The following VKORC1L1 variants were observed in gnomAD, a reference collection of about 807,000 sequenced individuals.
VKORC1L1 encodes the protein vitamin K epoxide reductase complex subunit 1L1, also known as vitamin K epoxide reductase complex subunit 1-like protein 1.
In VKORC1L1, 2 loss-of-function variants were observed where a neutral mutation model predicts 18.9. The observed-to-expected ratio is 0.11, with a 90% CI of 0.04 to 0.33. The LOEUF is 0.33. Ranked by LOEUF, VKORC1L1 falls within the 10% of genes least tolerant of loss-of-function variation. The pLI is 1.00. For missense variants in VKORC1L1, 123 were observed against 224.1 expected, an observed-to-expected ratio of 0.55 and a Z score of 2.88; for synonymous variants, 96 against 100.0, an observed-to-expected ratio of 0.96 and a Z score of 0.24.
At chr7:65,908,587 C>T (rs192511568) in intron 1 of VKORC1L1, among the ~76,000 whole-genome samples, 320 of 152,234 alleles carry the variant, frequency 2.1e-3, no homozygotes, top group Middle Eastern at 6.8e-3. Flanking sequence ...CCTGTAATCC[C>T]GGCACTTTGG....
intron 1 of VKORC1L1, among the ~76,000 whole-genome samples, chr7:65,914,873 C>T (rs1583845435): frequency 1.3e-5 from 2 of 152,028 alleles, no homozygotes; most frequent in African/African-American, 4.8e-5. Flanking sequence ...GATGTGGTGG[C>T]ACATGCCTTG....
chr7:65,873,130 C>A lies in VKORC1L1; in HGVS notation c.-242C>A, dbSNP rs1788752048. On this transcript the variant is annotated 5_prime_UTR_variant, in exon 1 of 3. Transcript: ENST00000360768. ...CGTTGCGCACTCCACCCCCTCCCTC[C>A]GCGCCCGCGCGCGCCTTCCCCGCCC... 1.4e-5 allele frequency: 4 copies of A among 286,034 alleles called. No individual in the cohort carries two copies. The highest frequency in any genetic ancestry group is 1.6e-5 in the Non-Finnish European group (3 of 191,238). 17.7% of individuals were successfully genotyped at this position (286,034 alleles called of 1,614,324 possible).
In VKORC1L1 at chr7:65,892,739, G is replaced by A. The variant is rs1308359435; in HGVS notation, c.194+19174G>A. Reference sequence around the variant, plus strand: ...ATGTTTAGTTCCATTTATTGAAAAGGCCATCTCCTCCTGCTTTGTAGAGCT... The same window carrying A: ...ATGTTTAGTTCCATTTATTGAAAAGACCATCTCCTCCTGCTTTGTAGAGCT... On this transcript the variant is annotated intron_variant, in intron 1 of 2. Transcript: ENST00000360768. Among the ~76,000 whole-genome samples, 3 of 152,212 alleles carry A rather than the reference G, an allele frequency of 2.0e-5. No homozygotes were observed. The East Asian group carries it at 5.8e-4, about 29-fold the overall frequency.
intron 1 of VKORC1L1, among the ~76,000 whole-genome samples, chr7:65,918,720 G>A (rs779519707): frequency 1.3e-5 from 2 of 152,208 alleles, no homozygotes; most frequent in African/African-American, 2.4e-5. Context: ...GAAAATATAT[G>A]TCGTGTTAAT....
chr7:65,941,638 G>A (rs533713526), intron 1 of VKORC1L1, among the ~76,000 whole-genome samples: 1 of 150,186 alleles, frequency 6.7e-6, no homozygotes, highest in African/African-American at 2.5e-5. Context: ...TGCCTCTAAG[G>A]TGCTGCTGGT....
chr7:65,906,066 G>A (rs1034438196), intron 1 of VKORC1L1, among the ~76,000 whole-genome samples: 6 of 151,900 alleles, frequency 3.9e-5, no homozygotes, highest in East Asian at 1.9e-4. Flanking sequence ...TAGAATGTGA[G>A]CGTTTTGAAG....
intron 1 of VKORC1L1, among the ~76,000 whole-genome samples, chr7:65,908,987 A>T (rs1419126511): frequency 6.6e-6 from 1 of 150,502 alleles, no homozygotes; most frequent in African/African-American, 2.4e-5. Flanking sequence ...AATACAATAC[A>T]GGCTGGGCAC....
chr7:65,880,822 C>G (rs1402928172), intron 1 of VKORC1L1, among the ~76,000 whole-genome samples: 1 of 152,146 alleles, frequency 6.6e-6, no homozygotes, highest in African/African-American at 2.4e-5. Context: ...AGTGCAAAAC[C>G]AGGCGTTCTT....
intron 1 of VKORC1L1, among the ~76,000 whole-genome samples, chr7:65,922,041 A>G (rs934686070): frequency 6.6e-6 from 1 of 152,086 alleles, no homozygotes; most frequent in Non-Finnish European, 1.5e-5. Flanking sequence ...GAACTCTAAT[A>G]TAAATTAATA....
chr7:65,873,949 C>T (rs1324940978), intron 1 of VKORC1L1, among the ~76,000 whole-genome samples: 1 of 151,986 alleles, frequency 6.6e-6, no homozygotes, highest in Non-Finnish European at 1.5e-5. Flanking sequence ...GGAGGCGGGC[C>T]GGGGGTGTGG....
intron 1 of VKORC1L1, among the ~76,000 whole-genome samples, chr7:65,928,544 T>G (rs1562650182): frequency 6.6e-6 from 1 of 152,214 alleles, no homozygotes; most frequent in East Asian, 1.9e-4. Context: ...TATTTGAGAT[T>G]TATCCGTGTT....
At chr7:65,868,080 C>G (rs1473386555), upstream of VKORC1L1, among the ~76,000 whole-genome samples, 1 of 152,178 alleles carries the variant, frequency 6.6e-6, no homozygotes, top group Middle Eastern at 3.2e-3. Context: ...CTCCTGACCT[C>G]AGGTGATTCA....
intron 1 of VKORC1L1, among the ~76,000 whole-genome samples, chr7:65,878,720 T>C (rs1424955660): frequency 2.0e-5 from 3 of 152,028 alleles, no homozygotes; most frequent in African/African-American, 4.8e-5. Context: ...CTGGCTAACA[T>C]GGTGAAACCC....
intron 1 of VKORC1L1, among the ~76,000 whole-genome samples, chr7:65,929,682 G>GTATATATATATATA (rs34648135): frequency 9.1e-4 from 117 of 128,618 alleles, no homozygotes; most frequent in African/African-American, 3.3e-3. Context: ...GTGTGTGTGT[G>GTATATATATATATA]TATATATATA....
At position 65,922,298 on chromosome 7, in the gene VKORC1L1, CAG is replaced by C. The variant is rs201407440; in HGVS notation, c.195-26370_195-26369del. Among the ~76,000 whole-genome samples, 557 of 147,906 alleles carry C rather than the reference CAG, an allele frequency of 3.8e-3. 5 individuals carry two copies. The highest frequency in any genetic ancestry group is 0.013 in the African/African-American group (531 of 40,090). On this transcript the variant is annotated intron_variant, in intron 1 of 2. Coordinates refer to ENST00000360768, the MANE Select transcript of VKORC1L1 (RefSeq NM_173517.6). The stretch of plus-strand genomic sequence containing the variant: ...TTCCTTTTTTTTTTTTTTCTTGAGA[CAG>C]AGTCTTGCTCTGTCACCCAGGCTAG...
intron 1 of VKORC1L1, among the ~76,000 whole-genome samples, chr7:65,906,323 G>A (rs1331141101): frequency 1.3e-5 from 2 of 151,682 alleles, no homozygotes; most frequent in South Asian, 2.1e-4. Context: ...GCAGTGAGCT[G>A]TAGTACCACT....
At chr7:65,917,955 C>T (rs548983171) in intron 1 of VKORC1L1, among the ~76,000 whole-genome samples, 2 of 152,284 alleles carry the variant, frequency 1.3e-5, no homozygotes, top group East Asian at 3.9e-4. Flanking sequence ...GGTGTCACAA[C>T]TGGGCAGGGT....
intron 2 of VKORC1L1, among the ~76,000 whole-genome samples, chr7:65,953,524 A>C (rs886570218): frequency 6.6e-6 from 1 of 152,186 alleles, no homozygotes; most frequent in Non-Finnish European, 1.5e-5. Flanking sequence ...TTGTGTGCAT[A>C]TTTTCAACTA....
At chr7:65,939,563 T>C (rs1790001138) in intron 1 of VKORC1L1, among the ~76,000 whole-genome samples, 1 of 152,232 alleles carries the variant, frequency 6.6e-6, no homozygotes, top group South Asian at 2.1e-4. Flanking sequence ...GCAGAAGCTC[T>C]GGCCCCTATG....
Sources: gnomAD v4.1 joint callset for allele counts (sites outside exome capture counted in the v4.1 genomes callset) on GRCh38, gnomAD v4.1.1 for gene constraint, MANE v1.5 for transcripts, NCBI Gene and HGNC (gene_info 2026-07-23, HGNC 2026-07-21) for gene names.